Variants in FLT4 observed in about 807,000 individuals in gnomAD.
The protein encoded by FLT4 is fms related receptor tyrosine kinase 4.
In FLT4, 30 loss-of-function variants were observed where a neutral mutation model predicts 163.2. That is an observed-to-expected ratio of 0.18 (90% CI 0.14 to 0.25). FLT4 has a LOEUF of 0.25. FLT4 is among the 10% of genes least tolerant of loss of function. The probability of loss-of-function intolerance (pLI) is 1.00; values close to 1 mark genes in which losing one functional copy is unlikely to be tolerated. For synonymous variants in FLT4, 884 were observed against 789.5 expected, an observed-to-expected ratio of 1.12 and a Z score of -2.01; for missense variants, 1,510 against 1,863.8, an observed-to-expected ratio of 0.81 and a Z score of 3.50.
chr5:180,632,468 C>T (rs1204189676), intron 1 of FLT4, among the ~76,000 whole-genome samples: 1 of 152,174 alleles, frequency 6.6e-6, no homozygotes, highest in Non-Finnish European at 1.5e-5. Context: ...GGCTCTTCCT[C>T]AGACATACAA....
At chr5:180,609,187 A>C in intron 28 of FLT4, 134 bp from the exon 29 acceptor site, 1 of 740,700 alleles carries the variant, frequency 1.4e-6, no homozygotes, top group Non-Finnish European at 2.4e-6. Flanking sequence ...AAGCTGAGCC[A>C]GAAACAAGGC....
intron 1 of FLT4, among the ~76,000 whole-genome samples, chr5:180,633,883 C>T (rs2127845373): frequency 6.6e-6 from 1 of 152,310 alleles, no homozygotes. Flanking sequence ...AGCCCCATGA[C>T]TGCAGGAGAG....
At chr5:180,619,795 G>A (rs746817171) in intron 17 of FLT4, 26 bp from the exon 18 acceptor site, 1 of 1,566,794 alleles carries the variant, frequency 6.4e-7, no homozygotes. Flanking sequence ...GCCAGTTGCA[G>A]GTGAGCTGTA....
At chr5:180,612,950 C>T in intron 25 of FLT4, 61 bp downstream of exon 25, 1 of 1,333,174 alleles carries the variant, frequency 7.5e-7, no homozygotes, top group Non-Finnish European at 1.1e-6. Context: ...CTCATGGACA[C>T]AACCCCCACG....
At chr5:180,625,259 C>T (rs148882845) in intron 10 of FLT4, among the ~76,000 whole-genome samples, 2 of 152,374 alleles carry the variant, frequency 1.3e-5, no homozygotes, top group East Asian at 3.9e-4. Context: ...CCTCCTCTCA[C>T]CCCCTGCTTG....
At chr5:180,629,889 G>C in intron 5 of FLT4, 54 bp from the exon 6 acceptor site, 6 of 1,612,656 alleles carry the variant, frequency 3.7e-6, no homozygotes, top group Non-Finnish European at 5.1e-6. Context: ...CACCCACTGA[G>C]GCCAGTGAGG....
intron 1 of FLT4, among the ~76,000 whole-genome samples, chr5:180,632,775 C>T (rs542838297): frequency 6.6e-6 from 1 of 152,126 alleles, no homozygotes; most frequent in African/African-American, 2.4e-5. Context: ...GACATGCTGG[C>T]GTGTGTTCAC....
Position 180,602,800 on chromosome 5 carries a change from A to G in FLT4, c.*392T>C, listed in dbSNP as rs1761583767. Reference sequence around the variant, plus strand: ...GCTCTCGTATGCCTTAACCTCCAACACTGTGTGACTCCCAGACCCACAGAT... The same window carrying G: ...GCTCTCGTATGCCTTAACCTCCAACGCTGTGTGACTCCCAGACCCACAGAT... On this transcript the variant is annotated 3_prime_UTR_variant, in exon 30 of 30. Coordinates refer to ENST00000261937, the MANE Select transcript of FLT4 (RefSeq NM_182925.5). The G allele has an allele frequency of 3.7e-6, 2 of 544,074 alleles. No individual in the cohort carries two copies. The highest frequency in any genetic ancestry group is 1.9e-5 in the African/African-American group (1 of 53,160). The allele number at this position is 544,074 out of a possible 1,614,324, so 33.7% of individuals were successfully genotyped here.
In FLT4 at chr5:180,611,279, T is replaced by C. The variant is rs975904748; in HGVS notation, c.3686+52A>G. ...ATGACGCAGAGGGATAAAATGCACCTTGTCCACATGGCTTTCTCCCACCCT... is the reference window on the plus strand; with the variant it reads ...ATGACGCAGAGGGATAAAATGCACCCTGTCCACATGGCTTTCTCCCACCCT... On this transcript the variant is annotated intron_variant, in intron 27 of 29. Transcript: ENST00000261937. 4.4e-6 allele frequency: 7 copies of C among 1,605,276 alleles called. No individual in the cohort carries two copies. The South Asian group carries it at 4.4e-5, about 10-fold the overall frequency.
intron 1 of FLT4, among the ~76,000 whole-genome samples, chr5:180,641,261 C>T (rs563480896): frequency 7.9e-5 from 12 of 152,340 alleles, no homozygotes; most frequent in Non-Finnish European, 1.0e-4. Context: ...GCTCCTGGGC[C>T]GGGGTGTCAT....
intron 1 of FLT4, among the ~76,000 whole-genome samples, chr5:180,642,300 G>C (rs2127865230): frequency 1.3e-5 from 2 of 152,218 alleles, no homozygotes; most frequent in South Asian, 4.1e-4. Context: ...TGCTACAGCT[G>C]CTGTATCACT....
chr5:180,622,107 C>G (rs762693761), intron 12 of FLT4, among the ~76,000 whole-genome samples: 1 of 151,878 alleles, frequency 6.6e-6, no homozygotes, highest in Non-Finnish European at 1.5e-5. Context: ...TCCTCATTCT[C>G]TCTTGAAGCT....
chr5:180,643,339 C>T (rs1268018457), intron 1 of FLT4, among the ~76,000 whole-genome samples: 1 of 152,210 alleles, frequency 6.6e-6, no homozygotes, highest in Non-Finnish European at 1.5e-5. Context: ...GCTGAGAGTG[C>T]CAGGCCCCTG....
chr5:180,601,939 G>A lies in FLT4; in HGVS notation c.*1253C>T, dbSNP rs959941332. 5.1e-5 allele frequency: 12 copies of A among 233,602 alleles called. No homozygotes were observed. Among genetic ancestry groups the A allele is most frequent in the Non-Finnish European group, 7.6e-5 (9 of 118,334 alleles). 14.5% of individuals were successfully genotyped at this position (233,602 alleles called of 1,614,324 possible). On this transcript the variant is annotated 3_prime_UTR_variant, in exon 30 of 30. Coordinates refer to ENST00000261937, the MANE Select transcript of FLT4 (RefSeq NM_182925.5). ...GGGGTCAGGGTGGTGGTCAGTCTCC[G>A]TGGTCCTAACGTGGGGATGTGGCTC... is the stretch of plus-strand genomic sequence containing the variant.
At chr5:180,612,952 AC>A in intron 25 of FLT4, 58 bp downstream of exon 25, 1 of 1,342,092 alleles carries the variant, frequency 7.5e-7, no homozygotes. Flanking sequence ...CATGGACACA[AC>A]CCCCACGCCC....
Position 180,616,505 on chromosome 5 carries a change from G to A in FLT4, c.3097-16C>T. The A allele has an allele frequency of 3.7e-6, 6 of 1,613,392 alleles. No individual in the cohort carries two copies. The highest frequency in any genetic ancestry group is 3.4e-6 in the Non-Finnish European group (4 of 1,179,950). ...TGTGGATGCACTGGGGTGCGGGGAG[G>A]CGGCAGGGGGGCTGTCAGTGCAGGC... On this transcript the variant is annotated splice_polypyrimidine_tract_variant and intron_variant, in intron 22 of 29. Coordinates refer to ENST00000261937, the MANE Select transcript of FLT4 (RefSeq NM_182925.5).
rs991270955 is a variant in FLT4, at chr5:180,620,426, G to A, written c.2407-118C>T. On this transcript the variant is annotated intron_variant, in intron 16 of 29. Coordinates refer to ENST00000261937, the MANE Select transcript of FLT4 (RefSeq NM_182925.5). This position sits in a 1 kb window ranked among gnomAD's most constrained non-coding sequence, Gnocchi z 4.4. ...TTCCTGCGGGGTTCTCAGTCAAGGA[G>A]GGGACAGAAAAAAAGACAGACAACC... 7 of 1,395,100 alleles carry A rather than the reference G, an allele frequency of 5.0e-6. No homozygotes were observed. In the African/African-American group the frequency reaches 5.7e-5, roughly 11 times the overall value. The allele number at this position is 1,395,100 out of a possible 1,614,324, so 86.4% of individuals were successfully genotyped here.
At chr5:180,628,212 CTG>C (rs936731550) in intron 8 of FLT4, among the ~76,000 whole-genome samples, 7 of 152,200 alleles carry the variant, frequency 4.6e-5, no homozygotes, top group African/African-American at 1.7e-4. Context: ...GTGTGACTGA[CTG>C]TGGGTGAGCC....
chr5:180,644,415 G>C (rs763111867), intron 1 of FLT4, among the ~76,000 whole-genome samples: 4 of 152,218 alleles, frequency 2.6e-5, no homozygotes, highest in Non-Finnish European at 5.9e-5. Context: ...AAATGGCCAT[G>C]AGGTGGTTAG....
Sources: gnomAD v4.1 joint callset for allele counts (sites outside exome capture counted in the v4.1 genomes callset) on GRCh38, gnomAD v4.1.1 for gene constraint, Gnocchi (gnomAD v3.1) non-coding constraint, MANE v1.5 for transcripts, NCBI Gene and HGNC (gene_info 2026-07-23, HGNC 2026-07-21) for gene names.